Variants in CUX1 observed in about 807,000 individuals in gnomAD.
CUX1 encodes cut like homeobox 1, also known as protein CASP.
A neutral mutation model predicts 158.8 loss-of-function variants in CUX1; 31 were observed. That is an observed-to-expected ratio of 0.20 (90% CI 0.15 to 0.26). CUX1 has a LOEUF of 0.26. CUX1 is among the 10% of genes least tolerant of loss of function. The pLI, the probability that CUX1 is intolerant of heterozygous loss-of-function variation, is 1.00. For synonymous variants in CUX1, 879 were observed against 862.1 expected, an observed-to-expected ratio of 1.02 and a Z score of -0.34; for missense variants, 1,589 against 2,014.6, an observed-to-expected ratio of 0.79 and a Z score of 4.04.
At chr7:101,843,507 C>T (rs1197178207) in intron 1 of CUX1, among the ~76,000 whole-genome samples, 2 of 151,886 alleles carry the variant, frequency 1.3e-5, no homozygotes, top group East Asian at 1.9e-4. Context: ...TCTTCTAGAG[C>T]TCAGAATTGT....
intron 20 of CUX1, among the ~76,000 whole-genome samples, chr7:102,213,263 T>C (rs118068842): frequency 0.014 from 2,117 of 152,384 alleles, 20 homozygotes; most frequent in Non-Finnish European, 0.021. Flanking sequence ...GTGATCTATA[T>C]GTGCCTTTCC....
intron 21 of CUX1, among the ~76,000 whole-genome samples, chr7:102,229,230 TG>T (rs1798687182): frequency 6.6e-6 from 1 of 151,854 alleles, no homozygotes; most frequent in East Asian, 1.9e-4. Context: ...GTGCTCGGCC[TG>T]GGTTGGTTGT....
chr7:101,866,992 G>A (rs2131408085), intron 1 of CUX1, among the ~76,000 whole-genome samples: 1 of 152,336 alleles, frequency 6.6e-6, no homozygotes, highest in South Asian at 2.1e-4. Flanking sequence ...AGGCCAAGGT[G>A]GGTGGATCAC....
intron 2 of CUX1, among the ~76,000 whole-genome samples, chr7:101,992,707 A>C (rs1357474614): frequency 6.6e-6 from 1 of 152,184 alleles, no homozygotes; most frequent in African/African-American, 2.4e-5. Context: ...TGGCTTCTGG[A>C]AGATGATGTG....
rs557671900 is a variant in CUX1, at chr7:101,936,874, G to A, written c.141+20649G>A. Among the ~76,000 whole-genome samples the A allele has an allele frequency of 1.8e-3, 273 of 152,322 alleles. 1 individual carries two copies. Among genetic ancestry groups the A allele is most frequent in the Admixed American group, 3.5e-3 (53 of 15,306 alleles). On this transcript the variant is annotated intron_variant, in intron 2 of 23. Coordinates refer to ENST00000292535, the MANE Select transcript of CUX1 (RefSeq NM_181552.4). ...TTTCCAGGCACGCAGGAGCTCCCCC[G>A]TGTCAGCGTTTTCCTAACATGGCTA...
intron 1 of CUX1, among the ~76,000 whole-genome samples, chr7:101,899,905 C>T (rs530610179): frequency 7.9e-5 from 12 of 152,334 alleles, no homozygotes; most frequent in African/African-American, 2.4e-4. Flanking sequence ...GGAATTCATG[C>T]CAGAACCCCA....
intron 21 of CUX1, among the ~76,000 whole-genome samples, chr7:102,230,124 A>T (rs1554530123): frequency 6.6e-6 from 1 of 152,144 alleles, no homozygotes; most frequent in African/African-American, 2.4e-5. Flanking sequence ...TCTGCTGCTC[A>T]TGGAAAGGCC....
At chr7:102,281,067 G>A (rs1224512900) in intron 20 of CUX1, among the ~76,000 whole-genome samples, 1 of 152,190 alleles carries the variant, frequency 6.6e-6, no homozygotes, top group Non-Finnish European at 1.5e-5. Flanking sequence ...GGCTGTAGAG[G>A]GGGCATTCCT....
In CUX1 at chr7:102,004,251, T is replaced by G. The variant is rs1817058219; in HGVS notation, c.142-23847T>G. ...TCCTTACGGGTCCACACACCTCTGGTTTTTAGCTTGAGATTGGGGCAGCTG... is the reference window on the plus strand; with the variant it reads ...TCCTTACGGGTCCACACACCTCTGGGTTTTAGCTTGAGATTGGGGCAGCTG... On this transcript the variant is annotated intron_variant, in intron 2 of 23. Transcript: ENST00000292535. Among the ~76,000 whole-genome samples the G allele has an allele frequency of 2.0e-5, 3 of 151,972 alleles. No individual in the cohort carries two copies. The South Asian group carries it at 6.2e-4, about 32-fold the overall frequency.
chr7:102,051,406 G>C (rs758893926), intron 3 of CUX1, among the ~76,000 whole-genome samples: 3 of 151,652 alleles, frequency 2.0e-5, no homozygotes, highest in Non-Finnish European at 4.4e-5. Flanking sequence ...CCAACACTTT[G>C]AGAGACTGAC....
rs782744326 is a variant in CUX1 at position 102,104,660 on chromosome 7, G to T, written c.530+201G>T. Among the ~76,000 whole-genome samples the T allele has an allele frequency of 7.2e-5, 11 of 152,124 alleles. No individual in the cohort carries two copies. In the East Asian group the frequency reaches 1.7e-3, roughly 24 times the overall value. ...TAATCTCAGCACTTTGGGAGGCCGAGGTGGGTGGATCATGAGGTCAGGAGT... is the reference window on the plus strand; with the variant it reads ...TAATCTCAGCACTTTGGGAGGCCGATGTGGGTGGATCATGAGGTCAGGAGT... On this transcript the variant is annotated intron_variant, in intron 6 of 23. Transcript: ENST00000292535.
chr7:101,865,013 T>TA (rs1283301262), intron 1 of CUX1, among the ~76,000 whole-genome samples: 1 of 152,252 alleles, frequency 6.6e-6, no homozygotes, highest in Non-Finnish European at 1.5e-5. Context: ...ATCTTTTTTT[T>TA]AAATGTTTTG....
intron 1 of CUX1, among the ~76,000 whole-genome samples, chr7:101,845,880 T>C (rs1422604398): frequency 1.3e-5 from 2 of 152,070 alleles, no homozygotes; most frequent in Non-Finnish European, 2.9e-5. Flanking sequence ...CAGTGGCACA[T>C]GCATGTAATC....
chr7:102,020,319 A>T (rs1819193235), intron 2 of CUX1, among the ~76,000 whole-genome samples: 1 of 152,198 alleles, frequency 6.6e-6, no homozygotes, highest in Non-Finnish European at 1.5e-5. Flanking sequence ...TTCAGATGAG[A>T]TGGGAAGTGA....
chr7:102,046,125 C>A (rs1822758772), intron 3 of CUX1, among the ~76,000 whole-genome samples: 1 of 152,180 alleles, frequency 6.6e-6, no homozygotes, highest in Admixed American at 6.5e-5. Flanking sequence ...GCTGAAGAGA[C>A]CAGTGGGTTG....
At chr7:102,094,487 G>C (rs781977448) in intron 4 of CUX1, among the ~76,000 whole-genome samples, 1 of 152,208 alleles carries the variant, frequency 6.6e-6, no homozygotes, top group Non-Finnish European at 1.5e-5. Flanking sequence ...GATAATGTGC[G>C]TGTCATTTTC....
intron 3 of CUX1, among the ~76,000 whole-genome samples, chr7:102,051,837 A>G (rs376763329): frequency 8.3e-4 from 126 of 152,262 alleles, no homozygotes; most frequent in South Asian, 7.0e-3. Flanking sequence ...TTTTCTTTTT[A>G]CAATTAAATG....
At chr7:101,817,286 C>T (rs1263647302), upstream of CUX1, 5 of 984,860 alleles carry the variant, frequency 5.1e-6, no homozygotes, top group Non-Finnish European at 4.8e-6. The surrounding 1 kb of genome is among the most constrained non-coding windows in gnomAD (Gnocchi z 4.1). Context: ...CCTGCGGCGC[C>T]GGGTCCCTTC....
Position 102,254,201 on chromosome 7 carries a change from C to A in CUX1, c.*5159C>A. 1.0e-6 allele frequency: 1 copy of A among 985,560 alleles called. No individual in the cohort carries two copies. The highest frequency in any genetic ancestry group is 1.2e-6 in the Non-Finnish European group (1 of 830,076). 61.1% of individuals were successfully genotyped at this position (985,560 alleles called of 1,614,324 possible). ...TTGCAGGCAGGGCGTGGTCTCGGGG[C>A]TCCGAGGGTCTTGTCTTTGGTCCGC... is the stretch of plus-strand genomic sequence containing the variant. On this transcript the variant is annotated 3_prime_UTR_variant, in exon 24 of 24. Coordinates refer to ENST00000292535, the MANE Select transcript of CUX1 (RefSeq NM_181552.4).
Sources: gnomAD v4.1 joint callset for allele counts (sites outside exome capture counted in the v4.1 genomes callset) on GRCh38, gnomAD v4.1.1 for gene constraint, Gnocchi (gnomAD v3.1) non-coding constraint, MANE v1.5 for transcripts, NCBI Gene and HGNC (gene_info 2026-07-23, HGNC 2026-07-21) for gene names.